Variants in PABPC4L observed in about 807,000 individuals in gnomAD.
PABPC4L encodes the protein poly(A) binding protein cytoplasmic 4 like.
For missense variants in PABPC4L, 452 were observed against 451.4 expected (o/e 1.00, Z -0.01); for synonymous variants, 169 against 164.1 (o/e 1.03, Z -0.23).
At chr4:134,167,718 G>T in the PABPC4L span, among the ~76,000 whole-genome samples, 44 of 151,588 alleles carry the variant, frequency 2.9e-4, no homozygotes, top group African/African-American at 1.0e-3. Context: ...TAATAAAGGG[G>T]TCAACTCACT....
rs1302696327 is a variant in PABPC4L at position 134,201,203 on chromosome 4, C to G, written c.-184G>C. ...CAGGCAACACCCTCATCCAAAAGTC[C>G]CCACAGCCACCAATCTGGCCCTCCT... On this transcript the variant is annotated 5_prime_UTR_variant, in exon 2 of 2. Coordinates refer to ENST00000421491, the MANE Select transcript of PABPC4L (RefSeq NM_001114734.2). 1.3e-6 allele frequency: 2 copies of G among 1,545,198 alleles called. No individual in the cohort carries two copies. The highest frequency in any genetic ancestry group is 3.9e-5 in the Admixed American group (2 of 50,808).
chr4:134,158,412 A>C, the PABPC4L span, among the ~76,000 whole-genome samples: 1 of 152,156 alleles, frequency 6.6e-6, no homozygotes, highest in East Asian at 1.9e-4. Flanking sequence ...TTTTCTAGGT[A>C]GGAGTTATGG....
At chr4:134,190,932 G>A in the PABPC4L span, among the ~76,000 whole-genome samples, 21 of 152,198 alleles carry the variant, frequency 1.4e-4, no homozygotes, top group South Asian at 4.1e-4. Flanking sequence ...GATTACAGGC[G>A]TGAGGCTCTG....
rs575466828 is a variant in PABPC4L at position 134,197,864 on chromosome 4, A to G, written c.*2043T>C. ...TGACAATGGAAATGTAAGTGCCACA[A>G]GTATTCTGGACAGCATTTAAGCAAT... is the stretch of plus-strand genomic sequence containing the variant. On this transcript the variant is annotated 3_prime_UTR_variant, in exon 2 of 2. Coordinates refer to ENST00000421491, the MANE Select transcript of PABPC4L (RefSeq NM_001114734.2). 6.6e-6 allele frequency: 1 copy of G among 151,928 alleles called. No individual in the cohort carries two copies. Among genetic ancestry groups the G allele is most frequent in the South Asian group, 2.1e-4 (1 of 4,828 alleles). The allele number at this position is 151,928 out of a possible 1,614,324, so 9.4% of individuals were successfully genotyped here. A position where few individuals can be genotyped will look rare whatever the true frequency, so the allele number is the denominator to read the frequency against.
chr4:134,126,411 A>G, the PABPC4L span, among the ~76,000 whole-genome samples: 9 of 152,056 alleles, frequency 5.9e-5, no homozygotes, highest in Non-Finnish European at 1.3e-4. Flanking sequence ...TTTGAATATG[A>G]CTTATCAGAG....
At chr4:134,121,178 T>C in the PABPC4L span, among the ~76,000 whole-genome samples, 2 of 151,310 alleles carry the variant, frequency 1.3e-5, no homozygotes, top group African/African-American at 4.8e-5. Context: ...ATAAATATTA[T>C]CTCATAAAAG....
At chr4:134,178,007 A>G in the PABPC4L span, among the ~76,000 whole-genome samples, 1 of 152,008 alleles carries the variant, frequency 6.6e-6, no homozygotes, top group Non-Finnish European at 1.5e-5. Flanking sequence ...ACAGCAAGGC[A>G]GGCATCCCCA....
chr4:133,951,705 G>A, the PABPC4L span, among the ~76,000 whole-genome samples: 900 of 152,194 alleles, frequency 5.9e-3, 3 homozygotes, highest in African/African-American at 0.02. Flanking sequence ...TTGGGATGAG[G>A]GCTTGCTTTA....
chr4:133,991,624 A>C, the PABPC4L span, among the ~76,000 whole-genome samples: 1 of 152,178 alleles, frequency 6.6e-6, no homozygotes, highest in African/African-American at 2.4e-5. Flanking sequence ...CAACACTACC[A>C]GTTGCCAAGA....
the PABPC4L span, among the ~76,000 whole-genome samples, chr4:133,996,958 A>G: frequency 9.2e-5 from 14 of 152,322 alleles, no homozygotes; most frequent in South Asian, 4.1e-4. Context: ...GTTTCTTTAC[A>G]TTCTCTTGTT....
At chr4:134,158,789 A>G in the PABPC4L span, among the ~76,000 whole-genome samples, 2 of 152,244 alleles carry the variant, frequency 1.3e-5, no homozygotes, top group Admixed American at 6.5e-5. Context: ...ATATGTTCTG[A>G]AAAATGGCAT....
the PABPC4L span, among the ~76,000 whole-genome samples, chr4:134,071,370 C>T: frequency 4.6e-5 from 7 of 152,160 alleles, no homozygotes; most frequent in African/African-American, 1.7e-4. Context: ...TTCCTTCTAG[C>T]TGCATCTTAT....
chr4:134,090,364 T>C, the PABPC4L span, among the ~76,000 whole-genome samples: 1 of 152,246 alleles, frequency 6.6e-6, no homozygotes, highest in Non-Finnish European at 1.5e-5. Flanking sequence ...TTTTTAAACA[T>C]TTAGATTCCT....
At chr4:134,012,854 A>G in the PABPC4L span, among the ~76,000 whole-genome samples, 24 of 152,092 alleles carry the variant, frequency 1.6e-4, no homozygotes, top group South Asian at 5.0e-3. Flanking sequence ...GCCACACTTC[A>G]ATCTCTCCCT....
the PABPC4L span, among the ~76,000 whole-genome samples, chr4:134,129,774 T>A: frequency 6.6e-6 from 1 of 151,842 alleles, no homozygotes; most frequent in Non-Finnish European, 1.5e-5. Context: ...AATGCCTACA[T>A]CAAAAACTTT....
At chr4:134,079,494 G>T in the PABPC4L span, among the ~76,000 whole-genome samples, 1 of 145,896 alleles carries the variant, frequency 6.9e-6, no homozygotes, top group Admixed American at 7.1e-5. Flanking sequence ...CAGGAGAATG[G>T]CATGAACCCG....
At chr4:134,133,133 CATATAATTATATATTAT>C in the PABPC4L span, among the ~76,000 whole-genome samples, 2 of 120,346 alleles carry the variant, frequency 1.7e-5, no homozygotes, top group Admixed American at 1.9e-4. Flanking sequence ...TATCATATTA[CATATAATTATATATTAT>C]ATAATATATC....
At chr4:133,998,737 G>T in the PABPC4L span, among the ~76,000 whole-genome samples, 92 of 147,482 alleles carry the variant, frequency 6.2e-4, no homozygotes, top group African/African-American at 2.0e-3. Flanking sequence ...GATAATTATG[G>T]TTTTTTTTTT....
the PABPC4L span, among the ~76,000 whole-genome samples, chr4:134,019,444 G>C: frequency 3.1e-4 from 47 of 152,250 alleles, no homozygotes; most frequent in Admixed American, 7.2e-4. Context: ...GCAGGAAACT[G>C]ATTTCCATCA....
Sources: gnomAD v4.1 joint callset for allele counts (sites outside exome capture counted in the v4.1 genomes callset) on GRCh38, gnomAD v4.1.1 for gene constraint, MANE v1.5 for transcripts, NCBI Gene and HGNC (gene_info 2026-07-23, HGNC 2026-07-21) for gene names.